UGT1A4: variants seen among roughly 807,000 people sequenced by gnomAD.
The protein encoded by UGT1A4 is UDP-glucuronosyltransferase 1A4.
A neutral mutation model predicts 41.1 loss-of-function variants in UGT1A4; 32 were observed. That is an observed-to-expected ratio of 0.78 (90% CI 0.59 to 1.05). The LOEUF is 1.05. Ranked by LOEUF, UGT1A4 falls within the 50% of genes least tolerant of loss-of-function variation. The pLI, the probability that UGT1A4 is intolerant of heterozygous loss-of-function variation, is 0.00. For synonymous variants in UGT1A4, 283 were observed against 265.1 expected (o/e 1.07, Z -0.66); for missense variants, 748 against 677.4 (o/e 1.10, Z -1.16).
intron 1 of UGT1A4, among the ~76,000 whole-genome samples, chr2:233,725,052 C>G (rs575446926): frequency 6.8e-6 from 1 of 147,562 alleles, no homozygotes; most frequent in Non-Finnish European, 1.5e-5. Flanking sequence ...TCAGGCGTGG[C>G]GGCGCGCGCC....
chr2:233,747,300 G>A (rs1415294813), intron 1 of UGT1A4: 68 of 1,602,464 alleles, frequency 4.2e-5, no homozygotes, highest in Admixed American at 3.8e-4. Flanking sequence ...CTGAGAGTGG[G>A]AAGGTGCTGG....
intron 1 of UGT1A4, chr2:233,741,006 G>T (rs1691538713): frequency 6.6e-6 from 1 of 151,750 alleles, no homozygotes; most frequent in Admixed American, 6.6e-5. Context: ...AGGATCACTT[G>T]AGCCCAGGAA....
intron 1 of UGT1A4, among the ~76,000 whole-genome samples, chr2:233,727,601 G>A (rs565458443): frequency 3.4e-4 from 52 of 152,170 alleles, no homozygotes; most frequent in Non-Finnish European, 4.4e-4. Flanking sequence ...GGGGGTTGGA[G>A]GAATAGTTCA....
chr2:233,755,095 C>T (rs1348652333), intron 1 of UGT1A4: 32 of 1,334,722 alleles, frequency 2.4e-5, no homozygotes, highest in Non-Finnish European at 3.1e-5. Context: ...CGTTTCTACG[C>T]GTCCGACAAC....
rs1159047004 is a variant in UGT1A4, at chr2:233,755,329, C to T, written c.868-11705C>T. ...CAGCGAGCGGCAAGGCTGCCAGCAC[C>T]CGCGCACAGGTCAGAGGCTTGGCGA... On this transcript the variant is annotated intron_variant, in intron 1 of 4. Coordinates refer to ENST00000373409, the MANE Select transcript of UGT1A4 (RefSeq NM_007120.3). The T allele has an allele frequency of 1.7e-5, 8 of 468,526 alleles. No individual in the cohort carries two copies. The Admixed American group carries it at 2.8e-4, about 16-fold the overall frequency. 29.0% of individuals were successfully genotyped at this position (468,526 alleles called of 1,614,324 possible).
chr2:233,770,941 G>T (rs1295256111), intron 4 of UGT1A4: 1 of 152,168 alleles, frequency 6.6e-6, no homozygotes, highest in African/African-American at 2.4e-5. Flanking sequence ...GGCTGCCGGG[G>T]GAACCTCAGG....
intron 1 of UGT1A4, among the ~76,000 whole-genome samples, chr2:233,722,279 AT>A (rs1210405626): frequency 6.6e-6 from 1 of 152,090 alleles, no homozygotes; most frequent in Non-Finnish European, 1.5e-5. Flanking sequence ...TATTACATTG[AT>A]TTCCTTTGTT....
intron 2 of UGT1A4, among the ~76,000 whole-genome samples, chr2:233,767,480 G>T (rs1699402121): frequency 6.6e-6 from 1 of 152,144 alleles, no homozygotes; most frequent in South Asian, 2.1e-4. Flanking sequence ...ATATTAAATA[G>T]AAGTATTTCT....
intron 1 of UGT1A4, among the ~76,000 whole-genome samples, chr2:233,762,298 G>A (rs1261319801): frequency 6.6e-6 from 1 of 152,140 alleles, no homozygotes; most frequent in Non-Finnish European, 1.5e-5. Flanking sequence ...TGCCAACCGA[G>A]GTCTAGTTAA....
intron 1 of UGT1A4, among the ~76,000 whole-genome samples, chr2:233,749,246 T>C (rs765293150): frequency 2.6e-5 from 4 of 151,942 alleles, no homozygotes; most frequent in East Asian, 1.9e-4. Flanking sequence ...TCAAACCACA[T>C]GATTTTTTTA....
intron 1 of UGT1A4, chr2:233,753,738 G>A (rs1695291371): frequency 6.6e-6 from 1 of 152,194 alleles, no homozygotes. Flanking sequence ...CCCAAGCACA[G>A]CAATAGGACA....
chr2:233,725,428 A>G (rs1391321502), intron 1 of UGT1A4, among the ~76,000 whole-genome samples: 1 of 151,952 alleles, frequency 6.6e-6, no homozygotes, highest in Non-Finnish European at 1.5e-5. Flanking sequence ...CAATAGAAAT[A>G]TAATGTAAGC....
Position 233,719,249 on chromosome 2 carries a change from T to C in UGT1A4, c.429T>C (p.Ala143=). 2 of 1,614,200 alleles carry C rather than the reference T, an allele frequency of 1.2e-6. No homozygotes were observed. The highest frequency in any genetic ancestry group is 2.2e-5 in the South Asian group (2 of 91,080). Residue 143 remains alanine (A), a synonymous_variant, in exon 1 of 5, where the codon GCT becomes GCC. Transcript: ENST00000373409. Reference sequence around the variant, plus strand: ...AGGCCCTGATCAGGCACCTGAATGCTACTTCCTTTGATGTGGTTTTAACAG... The same window carrying C: ...AGGCCCTGATCAGGCACCTGAATGCCACTTCCTTTGATGTGGTTTTAACAG... ...HNEALIRHLN[A]TSFDVVLTDP... is the part of the protein sequence containing the mutation.
chr2:233,721,859 C>T (rs1575539894), intron 1 of UGT1A4: 4 of 508,764 alleles, frequency 7.9e-6, no homozygotes, highest in Non-Finnish European at 1.6e-5. Flanking sequence ...CACTGCTCGG[C>T]CCTGGGCACA....
chr2:233,761,370 T>C (rs1346260530), intron 1 of UGT1A4, among the ~76,000 whole-genome samples: 1 of 152,186 alleles, frequency 6.6e-6, no homozygotes, highest in Non-Finnish European at 1.5e-5. Flanking sequence ...TCCTTGGACA[T>C]TTTACTCTGT....
chr2:233,725,828 G>A (rs372072402), intron 1 of UGT1A4, among the ~76,000 whole-genome samples: 8 of 152,124 alleles, frequency 5.3e-5, no homozygotes, highest in Middle Eastern at 3.4e-3. Flanking sequence ...TACCAGTATT[G>A]CTACTCCTAT....
intron 1 of UGT1A4, among the ~76,000 whole-genome samples, chr2:233,734,879 CAGTT>C (rs1435181219): frequency 6.6e-6 from 1 of 152,150 alleles, no homozygotes; most frequent in Non-Finnish European, 1.5e-5. Flanking sequence ...GTCTGAGAGA[CAGTT>C]TGTTGTGATT....
intron 1 of UGT1A4, chr2:233,755,092 ACGC>A (rs1418876721): frequency 2.2e-6 from 3 of 1,335,040 alleles, no homozygotes; most frequent in Non-Finnish European, 3.0e-6. Flanking sequence ...TCGCGTTTCT[ACGC>A]GTCCGACAAC....
At chr2:233,760,517 A>C in intron 1 of UGT1A4, 1 of 1,614,264 alleles carries the variant, frequency 6.2e-7, no homozygotes, top group Non-Finnish European at 8.5e-7. Context: ...TACACCTTGA[A>C]GACGTACCCT....
Sources: gnomAD v4.1 joint callset for allele counts (sites outside exome capture counted in the v4.1 genomes callset) on GRCh38, gnomAD v4.1.1 for gene constraint, MANE v1.5 for transcripts, NCBI Gene and HGNC (gene_info 2026-07-23, HGNC 2026-07-21) for gene names.